REC114: variants seen among roughly 807,000 people sequenced by gnomAD.
REC114 encodes REC114 meiotic recombination protein, also known as meiotic recombination protein REC114.
A neutral mutation model predicts 31.3 loss-of-function variants in REC114; 27 were observed. The observed-to-expected ratio is 0.86, with a 90% CI of 0.64 to 1.19. The LOEUF (loss-of-function observed/expected upper bound fraction) is 1.19. Ranked by LOEUF, REC114 falls within the 50% of genes most tolerant of loss-of-function variation. The pLI, the probability that REC114 is intolerant of heterozygous loss-of-function variation, is 0.00. For missense variants in REC114, 344 were observed against 326.9 expected (o/e 1.05, Z -0.40); for synonymous variants, 134 against 127.7 (o/e 1.05, Z -0.33).
intron 2 of REC114, among the ~76,000 whole-genome samples, chr15:73,534,486 G>T (rs563366433): frequency 6.6e-6 from 1 of 152,288 alleles, no homozygotes; most frequent in East Asian, 1.9e-4. Flanking sequence ...CCAGGAAGAA[G>T]TTGAATCTCT....
At chr15:73,517,902 T>C (rs1475562756) in intron 2 of REC114, among the ~76,000 whole-genome samples, 1 of 152,042 alleles carries the variant, frequency 6.6e-6, no homozygotes, top group Non-Finnish European at 1.5e-5. Context: ...TTGAAGAGAA[T>C]AAGATCAGAG....
intron 2 of REC114, among the ~76,000 whole-genome samples, chr15:73,538,174 G>A (rs1330928216): frequency 6.6e-6 from 1 of 152,052 alleles, no homozygotes; most frequent in Non-Finnish European, 1.5e-5. Context: ...CAACTTTATT[G>A]TTTTAGTAGG....
chr15:73,514,282 A>G lies in REC114; in HGVS notation c.250-26203A>G, dbSNP rs532876029. Reference sequence around the variant, plus strand: ...CCCCTTGCGCTTCCCAGGTGAGGCAATGCCGCGCCCTGCTTCGGCTCGCGC... The same window carrying G: ...CCCCTTGCGCTTCCCAGGTGAGGCAGTGCCGCGCCCTGCTTCGGCTCGCGC... On this transcript the variant is annotated intron_variant, in intron 2 of 5. Transcript: ENST00000331090. Among the ~76,000 whole-genome samples the G allele has an allele frequency of 1.4e-3, 216 of 151,624 alleles. 1 individual carries two copies. The highest frequency in any genetic ancestry group is 6.0e-3 in the Admixed American group (92 of 15,272).
chr15:73,558,043 A>T (rs893598375), intron 5 of REC114, among the ~76,000 whole-genome samples: 5 of 152,234 alleles, frequency 3.3e-5, no homozygotes, highest in Admixed American at 3.3e-4. Flanking sequence ...AATGCAATTA[A>T]TACAAGGGAT....
chr15:73,552,070 G>A (rs1894400752), intron 4 of REC114, among the ~76,000 whole-genome samples: 1 of 152,118 alleles, frequency 6.6e-6, no homozygotes, highest in African/African-American at 2.4e-5. Context: ...AATTATACGT[G>A]GATAAAGAGC....
chr15:73,533,719 A>G, intron 2 of REC114, among the ~76,000 whole-genome samples: 1 of 146,828 alleles, frequency 6.8e-6, no homozygotes, highest in Admixed American at 6.8e-5. Flanking sequence ...TCCACCCCAA[A>G]TCAACAGAAT....
intron 2 of REC114, among the ~76,000 whole-genome samples, chr15:73,519,903 A>G (rs956584010): frequency 3.3e-5 from 5 of 152,244 alleles, no homozygotes; most frequent in Non-Finnish European, 5.9e-5. Context: ...TTCCTCTTAT[A>G]TGAGATGTCT....
At chr15:73,458,703 G>A (rs1448465603) in intron 1 of REC114, among the ~76,000 whole-genome samples, 1 of 152,154 alleles carries the variant, frequency 6.6e-6, no homozygotes. Flanking sequence ...TGGAGGAGGG[G>A]ATAAAGAAAT....
At chr15:73,550,282 C>CA (rs35304924) in intron 3 of REC114, among the ~76,000 whole-genome samples, 2,569 of 152,248 alleles carry the variant, frequency 0.017, 73 homozygotes, top group African/African-American at 0.059. Flanking sequence ...ATGTAGTTGA[C>CA]AGATTTTTAA....
chr15:73,445,046 A>G (rs1388741191), intron 1 of REC114, among the ~76,000 whole-genome samples: 6 of 152,200 alleles, frequency 3.9e-5, no homozygotes, highest in Admixed American at 3.9e-4. Flanking sequence ...AAACCATGCT[A>G]TAAACAAATG....
chr15:73,540,008 G>C (rs932870737), intron 2 of REC114, among the ~76,000 whole-genome samples: 2 of 152,022 alleles, frequency 1.3e-5, no homozygotes, highest in South Asian at 2.1e-4. Flanking sequence ...TAAACATTCA[G>C]TATCCAAAAG....
intron 1 of REC114, among the ~76,000 whole-genome samples, chr15:73,456,058 T>A (rs925161901): frequency 2.0e-5 from 3 of 152,198 alleles, no homozygotes; most frequent in Non-Finnish European, 4.4e-5. Flanking sequence ...TGCAAATGTT[T>A]TATTAATAGG....
rs1272675168 is a variant in REC114, at chr15:73,482,437, G to A, written c.249+8516G>A. Among the ~76,000 whole-genome samples, 9 of 152,262 alleles carry A rather than the reference G, an allele frequency of 5.9e-5. No individual in the cohort carries two copies. The South Asian group carries it at 1.5e-3, about 25-fold the overall frequency. ...CCTTCTGCCATGATTGGGAGCTTCC[G>A]AGGCCTCACCAGAAGCTGAGTAGAT... On this transcript the variant is annotated intron_variant, in intron 2 of 5. Coordinates refer to ENST00000331090, the MANE Select transcript of REC114 (RefSeq NM_001042367.2).
chr15:73,506,626 T>A (rs1893681149), intron 2 of REC114, among the ~76,000 whole-genome samples: 2 of 152,192 alleles, frequency 1.3e-5, no homozygotes, highest in South Asian at 2.1e-4. Context: ...TATATGTTCA[T>A]CAACACTAAG....
chr15:73,539,691 A>T (rs149376407), intron 2 of REC114, among the ~76,000 whole-genome samples: 2 of 152,072 alleles, frequency 1.3e-5, no homozygotes, highest in African/African-American at 4.8e-5. Flanking sequence ...CTAACATTTA[A>T]GGGTAGACTG....
intron 3 of REC114, 27 bp downstream of exon 3, chr15:73,540,595 C>A: frequency 6.4e-7 from 1 of 1,569,742 alleles, no homozygotes; most frequent in Non-Finnish European, 8.8e-7. Context: ...TGATCACACT[C>A]TTCTCATCTT....
At chr15:73,486,446 G>A (rs556301192) in intron 2 of REC114, among the ~76,000 whole-genome samples, 39 of 152,224 alleles carry the variant, frequency 2.6e-4, no homozygotes, top group Non-Finnish European at 4.1e-4. Context: ...GGGAATCTGC[G>A]ATGTGAAAAA....
At chr15:73,512,089 G>T (rs1212894563) in intron 2 of REC114, among the ~76,000 whole-genome samples, 1 of 140,070 alleles carries the variant, frequency 7.1e-6, no homozygotes, top group East Asian at 2.0e-4. Flanking sequence ...AAGTCTCTTT[G>T]TAGGTCACTC....
chr15:73,457,573 T>C (rs1238380328), intron 1 of REC114, among the ~76,000 whole-genome samples: 3 of 152,164 alleles, frequency 2.0e-5, no homozygotes, highest in Non-Finnish European at 4.4e-5. Flanking sequence ...AGAAGTAACC[T>C]GGGGCAGTGG....
Sources: gnomAD v4.1 joint callset for allele counts (sites outside exome capture counted in the v4.1 genomes callset) on GRCh38, gnomAD v4.1.1 for gene constraint, MANE v1.5 for transcripts, NCBI Gene and HGNC (gene_info 2026-07-23, HGNC 2026-07-21) for gene names.